GPM6A: variants seen among roughly 807,000 people sequenced by gnomAD.
GPM6A encodes the protein glycoprotein M6A, also known as neuronal membrane glycoprotein M6-a.
Under a neutral mutation model 32.1 loss-of-function variants are expected in GPM6A, and 7 were observed. The ratio of observed to expected loss-of-function variants is 0.22; its 90% CI spans 0.12 to 0.41. The LOEUF is 0.41. Ranked by LOEUF, GPM6A falls within the 10% of genes least tolerant of loss-of-function variation. GPM6A has a pLI of 1.00. For synonymous variants in GPM6A, 130 were observed against 123.4 expected, an observed-to-expected ratio of 1.05 and a Z score of -0.35; for missense variants, 235 against 347.2, an observed-to-expected ratio of 0.68 and a Z score of 2.57.
Position 175,791,184 on chromosome 4 carries a change from A to G in GPM6A, c.37+21007T>C, listed in dbSNP as rs546003712. The stretch of plus-strand genomic sequence containing the variant: ...TCAGATGAGTTTATTTAATAAATAA[A>G]TCAGATGGCAGATGGGCTTTATTAA... On this transcript the variant is annotated intron_variant, in intron 1 of 6. Coordinates refer to ENST00000393658, the MANE Select transcript of GPM6A (RefSeq NM_201591.3). Among the ~76,000 whole-genome samples, 5 of 152,310 alleles carry G rather than the reference A, an allele frequency of 3.3e-5. No individual in the cohort carries two copies. In the East Asian group the frequency reaches 9.6e-4, roughly 29 times the overall value.
rs189874561 is a variant in GPM6A, at chr4:175,665,516, C to T, written c.387+8164G>A. Among the ~76,000 whole-genome samples the T allele has an allele frequency of 3.8e-3, 582 of 152,170 alleles. 5 individuals are homozygous for T. The highest frequency in any genetic ancestry group is 0.013 in the African/African-American group (551 of 41,522). On this transcript the variant is annotated intron_variant, in intron 3 of 6. Coordinates refer to ENST00000393658, the MANE Select transcript of GPM6A (RefSeq NM_201591.3). ...GCATTGGACGGCCGTGGTGGTGGCT[C>T]AAGCCTGTAATCCCAGCACTTTGGG...
chr4:175,900,534 T>C (rs1737931382), intron 1 of GPM6A, among the ~76,000 whole-genome samples: 1 of 150,448 alleles, frequency 6.6e-6, no homozygotes, highest in African/African-American at 2.4e-5. Flanking sequence ...TCAACATCAT[T>C]GATCATCAGA....
chr4:175,880,354 T>G (rs1402204811), intron 1 of GPM6A, among the ~76,000 whole-genome samples: 1 of 152,222 alleles, frequency 6.6e-6, no homozygotes, highest in African/African-American at 2.4e-5. Flanking sequence ...GGCTTAGGAT[T>G]GACTTGGCAA....
intron 1 of GPM6A, among the ~76,000 whole-genome samples, chr4:175,839,986 A>G (rs1211118347): frequency 6.6e-6 from 1 of 152,232 alleles, no homozygotes; most frequent in Non-Finnish European, 1.5e-5. Flanking sequence ...TTACGTCTAA[A>G]GTAGAGCCAT....
At chr4:175,805,066 CAA>C (rs926681169) in intron 1 of GPM6A, among the ~76,000 whole-genome samples, 1 of 151,072 alleles carries the variant, frequency 6.6e-6, no homozygotes, top group African/African-American at 2.4e-5. Flanking sequence ...CAAAACAAAA[CAA>C]AAACAAAATG....
intron 1 of GPM6A, among the ~76,000 whole-genome samples, chr4:175,986,087 G>A (rs989630997): frequency 5.3e-5 from 8 of 152,130 alleles, no homozygotes; most frequent in Non-Finnish European, 1.2e-4. Flanking sequence ...CCAAAGGCAT[G>A]AGCCACTGCA....
At chr4:175,744,847 T>C (rs1030939062) in intron 1 of GPM6A, among the ~76,000 whole-genome samples, 4 of 152,182 alleles carry the variant, frequency 2.6e-5, no homozygotes, top group African/African-American at 9.6e-5. Context: ...GTTCTGATAT[T>C]ACTTTTTAAT....
intron 4 of GPM6A, among the ~76,000 whole-genome samples, chr4:175,650,837 A>G (rs1262418233): frequency 2.0e-5 from 3 of 152,168 alleles, no homozygotes; most frequent in Admixed American, 6.6e-5. Flanking sequence ...TTAGAGAAAA[A>G]CGCTCAGTGT....
intron 6 of GPM6A, among the ~76,000 whole-genome samples, chr4:175,638,120 A>G (rs1740922502): frequency 6.6e-6 from 1 of 150,478 alleles, no homozygotes; most frequent in Non-Finnish European, 1.5e-5. Context: ...CTTCTCTACA[A>G]ATAATGGAGT....
chr4:175,741,735 A>G (rs1251624440), intron 1 of GPM6A, among the ~76,000 whole-genome samples: 1 of 152,114 alleles, frequency 6.6e-6, no homozygotes, highest in Non-Finnish European at 1.5e-5. Flanking sequence ...ACTTGTCTTC[A>G]CTGCTTAGCA....
chr4:175,668,519 A>ATGTGTGTGTGTGTGTGTGTGTGTG (rs56106172), intron 3 of GPM6A, among the ~76,000 whole-genome samples: 6,194 of 139,206 alleles, frequency 0.044, 274 homozygotes, highest in Admixed American at 0.12. Flanking sequence ...TCAAACGTTT[A>ATGTGTGTGTGTGTGTGTGTGTGTG]TGTGTGTGTG....
intron 1 of GPM6A, among the ~76,000 whole-genome samples, chr4:175,764,383 T>C (rs903687330): frequency 1.3e-5 from 2 of 152,240 alleles, no homozygotes; most frequent in African/African-American, 4.8e-5. Flanking sequence ...TTCCATTGTA[T>C]GGATATACCA....
intron 1 of GPM6A, among the ~76,000 whole-genome samples, chr4:175,832,784 G>A (rs1487490953): frequency 6.6e-6 from 1 of 152,266 alleles, no homozygotes; most frequent in African/African-American, 2.4e-5. Flanking sequence ...TAATGCAAGA[G>A]AAAGAAAACC....
At chr4:175,968,222 C>CA (rs1038391844) in intron 1 of GPM6A, among the ~76,000 whole-genome samples, 2 of 150,830 alleles carry the variant, frequency 1.3e-5, no homozygotes, top group South Asian at 2.1e-4. Flanking sequence ...CATCCATAGG[C>CA]AAAAAAAGAA....
intron 2 of GPM6A, among the ~76,000 whole-genome samples, chr4:175,687,578 A>G (rs1377910760): frequency 6.6e-6 from 1 of 151,956 alleles, no homozygotes. Flanking sequence ...TCATCTATCC[A>G]TGTACATTTT....
intron 1 of GPM6A, among the ~76,000 whole-genome samples, chr4:175,706,016 A>G (rs35462654): frequency 0.058 from 8,855 of 152,268 alleles, 448 homozygotes; most frequent in East Asian, 0.26. Flanking sequence ...TTTTCTGGTT[A>G]TACTTTCCAA....
At chr4:175,656,495 TG>T (rs1742092735) in intron 3 of GPM6A, among the ~76,000 whole-genome samples, 1 of 152,130 alleles carries the variant, frequency 6.6e-6, no homozygotes, top group Non-Finnish European at 1.5e-5. Flanking sequence ...TAAAACCACA[TG>T]TAATTATTGT....
chr4:175,965,540 A>G (rs1225577733), intron 1 of GPM6A, among the ~76,000 whole-genome samples: 1 of 152,148 alleles, frequency 6.6e-6, no homozygotes, highest in South Asian at 2.1e-4. Context: ...ATACACCTCT[A>G]GTTAGGTTAA....
chr4:175,915,753 G>GA (rs1279922280), intron 1 of GPM6A, among the ~76,000 whole-genome samples: 3 of 152,102 alleles, frequency 2.0e-5, no homozygotes, highest in East Asian at 1.9e-4. Context: ...AGGGTATGGG[G>GA]AAAAAAAGGG....
Sources: allele counts gnomAD v4.1 joint callset (sites outside exome capture counted in the v4.1 genomes callset), GRCh38; gene constraint gnomAD v4.1.1; transcripts MANE v1.5; gene names NCBI Gene and HGNC (gene_info 2026-07-23, HGNC 2026-07-21).